The following CERS6 variants were observed in gnomAD, a reference collection of about 807,000 sequenced individuals.
CERS6 encodes the protein LAG1 homolog, ceramide synthase 6.
CERS6 carries 26 observed loss-of-function variants against 56.8 expected under a neutral mutation model. That is an observed-to-expected ratio of 0.46 (90% CI 0.34 to 0.63). The LOEUF (loss-of-function observed/expected upper bound fraction) is 0.63. Among genes scored for constraint, CERS6 ranks in the 30% least tolerant of loss-of-function variants. The probability of loss-of-function intolerance (pLI) is 0.01; values close to 1 mark genes in which losing one functional copy is unlikely to be tolerated. For missense variants in CERS6, 415 were observed against 467.5 expected (o/e 0.89, Z 1.04); for synonymous variants, 164 against 173.3 (o/e 0.95, Z 0.42).
intron 6 of CERS6, among the ~76,000 whole-genome samples, chr2:168,699,879 A>G (rs546050464): frequency 2.0e-5 from 3 of 152,346 alleles, no homozygotes; most frequent in Non-Finnish European, 2.9e-5. Flanking sequence ...GCCATCTAAA[A>G]TTTCCAAAGG....
At chr2:168,621,136 C>T (rs1353509113) in intron 3 of CERS6, among the ~76,000 whole-genome samples, 4 of 152,158 alleles carry the variant, frequency 2.6e-5, no homozygotes, top group Non-Finnish European at 4.4e-5. Context: ...TTTTTGTCTT[C>T]AGTCTGCTTT....
chr2:168,520,556 AG>A (rs899270529), intron 1 of CERS6, among the ~76,000 whole-genome samples: 24 of 136,704 alleles, frequency 1.8e-4, no homozygotes, highest in African/African-American at 6.0e-4. Flanking sequence ...GGATCTTTAT[AG>A]TTTAAATTCT....
At chr2:168,579,667 A>G (rs1172805409) in intron 3 of CERS6, among the ~76,000 whole-genome samples, 1 of 151,948 alleles carries the variant, frequency 6.6e-6, no homozygotes, top group African/African-American at 2.4e-5. Flanking sequence ...AGGTATACCC[A>G]CCTGGAGCTC....
intron 8 of CERS6, among the ~76,000 whole-genome samples, chr2:168,762,049 A>G (rs1397404265): frequency 1.3e-5 from 2 of 152,094 alleles, no homozygotes; most frequent in African/African-American, 4.8e-5. Context: ...ACAAATACCT[A>G]GTACATGTGG....
chr2:168,670,917 C>A (rs1432706227), intron 4 of CERS6, among the ~76,000 whole-genome samples: 7 of 143,470 alleles, frequency 4.9e-5, no homozygotes, highest in Non-Finnish European at 7.5e-5. Flanking sequence ...TCCTAAATTC[C>A]TAGTACCTGT....
chr2:168,562,897 G>A (rs1052448786), intron 3 of CERS6, among the ~76,000 whole-genome samples: 1 of 152,154 alleles, frequency 6.6e-6, no homozygotes, highest in Non-Finnish European at 1.5e-5. Context: ...GCTTGGCCCT[G>A]CCATATATCC....
At chr2:168,754,769 G>A (rs934007856) in intron 8 of CERS6, among the ~76,000 whole-genome samples, 1 of 152,088 alleles carries the variant, frequency 6.6e-6, no homozygotes, top group African/African-American at 2.4e-5. Flanking sequence ...TTCTCTGTTT[G>A]TTTTTTTGAG....
intron 8 of CERS6, among the ~76,000 whole-genome samples, chr2:168,761,813 G>A (rs550102049): frequency 7.9e-5 from 12 of 152,030 alleles, no homozygotes; most frequent in South Asian, 4.2e-4. Flanking sequence ...CTGCTTCTTC[G>A]GATAATAAAC....
At chr2:168,523,974 G>A (rs775011254) in intron 1 of CERS6, among the ~76,000 whole-genome samples, 6 of 152,186 alleles carry the variant, frequency 3.9e-5, no homozygotes, top group African/African-American at 1.2e-4. Context: ...AGACTTGTCT[G>A]TTCTGTGCCA....
At chr2:168,730,449 AG>A (rs1239472530) in intron 8 of CERS6, among the ~76,000 whole-genome samples, 1 of 152,128 alleles carries the variant, frequency 6.6e-6, no homozygotes, top group Non-Finnish European at 1.5e-5. Flanking sequence ...GCAAAGAGAG[AG>A]GGCAGCATGG....
intron 3 of CERS6, among the ~76,000 whole-genome samples, chr2:168,599,556 TC>T (rs1252508928): frequency 6.6e-6 from 1 of 152,222 alleles, no homozygotes; most frequent in Non-Finnish European, 1.5e-5. Context: ...CTGAAAGACT[TC>T]TGAATTTAAG....
chr2:168,561,405 G>T (rs1238786522), intron 3 of CERS6, 83 bp downstream of exon 3: 3 of 1,468,820 alleles, frequency 2.0e-6, no homozygotes, highest in African/African-American at 2.8e-5. Context: ...ATCTGTGCAG[G>T]CTTCAGCAGC....
chr2:168,691,038 C>G lies in CERS6; in HGVS notation c.470C>G (p.Pro157Arg). Reference protein sequence around the residue: ...TYGVRFLKKTPWLWNTRHCWY... With the variant: ...TYGVRFLKKTRWLWNTRHCWY... Reference sequence around the variant, plus strand: ...ATTTTTTGTCATTTTTTTCAGACCCCCTGGTTGTGGAATACGAGGCATTGC... The same window carrying G: ...ATTTTTTGTCATTTTTTTCAGACCCGCTGGTTGTGGAATACGAGGCATTGC... Residue 157 changes from proline to arginine, a missense_variant, in exon 5 of 10, where the codon CCC becomes CGC. By Grantham distance (103) the Pro-to-Arg change is moderately radical. Transcript: ENST00000305747. The G allele has an allele frequency of 6.2e-7, 1 of 1,612,920 alleles. No individual in the cohort carries two copies. The highest frequency in any genetic ancestry group is 1.1e-5 in the South Asian group (1 of 91,040).
chr2:168,480,774 G>C (rs1694163686), intron 1 of CERS6, among the ~76,000 whole-genome samples: 1 of 152,132 alleles, frequency 6.6e-6, no homozygotes, highest in Non-Finnish European at 1.5e-5. Context: ...ACTAAATTTA[G>C]GGTGAAAACC....
At chr2:168,594,915 A>G (rs750891250) in intron 3 of CERS6, among the ~76,000 whole-genome samples, 9 of 152,116 alleles carry the variant, frequency 5.9e-5, no homozygotes, top group Non-Finnish European at 1.2e-4. Flanking sequence ...GGCTGTGTTC[A>G]GTGAATGTAT....
chr2:168,743,214 ATGTGTGTGTG>A lies in CERS6; in HGVS notation c.846-22376_846-22367del, dbSNP rs111304857. Among the ~76,000 whole-genome samples the A allele has an allele frequency of 6.1e-5, 8 of 130,708 alleles. No individual in the cohort carries two copies. The Admixed American group carries it at 7.0e-4, about 11-fold the overall frequency. The allele number at this position is 130,708 out of a possible 152,430, so 85.7% of individuals were successfully genotyped here. A position where few individuals can be genotyped will look rare whatever the true frequency, so the allele number is the denominator to read the frequency against. On this transcript the variant is annotated intron_variant, in intron 8 of 9. Coordinates refer to ENST00000305747, the MANE Select transcript of CERS6 (RefSeq NM_203463.3). ...TGTGTATATATATATGTGTGTGTGT[ATGTGTGTGTG>A]TATATATATATGTGTGTGTGTATAT... is the stretch of plus-strand genomic sequence containing the variant.
At chr2:168,598,446 A>G (rs1414551293) in intron 3 of CERS6, among the ~76,000 whole-genome samples, 1 of 151,350 alleles carries the variant, frequency 6.6e-6, no homozygotes, top group African/African-American at 2.4e-5. Context: ...TTTCCTTGTT[A>G]TGCATTCCTA....
In CERS6 at chr2:168,530,698, C is replaced by A. The variant is rs147499228; in HGVS notation, c.171-16898C>A. 8.1e-3 allele frequency among the ~76,000 whole-genome samples: 1,235 copies of A among 152,166 alleles called. 13 individuals carry two copies. Among genetic ancestry groups the A allele is most frequent in the Non-Finnish European group, 0.013 (885 of 68,002 alleles). ...AGTCTAGGGTACTTTTTCCTAGAATCCTGGGAATGTGTAGCAAGGAGCGGC... is the reference window on the plus strand; with the variant it reads ...AGTCTAGGGTACTTTTTCCTAGAATACTGGGAATGTGTAGCAAGGAGCGGC... On this transcript the variant is annotated intron_variant, in intron 1 of 9. Coordinates refer to ENST00000305747, the MANE Select transcript of CERS6 (RefSeq NM_203463.3).
chr2:168,685,277 T>G (rs77153544), intron 4 of CERS6, among the ~76,000 whole-genome samples: 1 of 152,342 alleles, frequency 6.6e-6, no homozygotes, highest in Non-Finnish European at 1.5e-5. Flanking sequence ...TGTTCTTTTC[T>G]TAAATCAAAA....
Sources: allele counts gnomAD v4.1 joint callset (sites outside exome capture counted in the v4.1 genomes callset), GRCh38; gene constraint gnomAD v4.1.1; transcripts MANE v1.5; gene names NCBI Gene and HGNC (gene_info 2026-07-23, HGNC 2026-07-21).